Variants in C12orf56 observed in about 807,000 individuals in gnomAD.
C12orf56 encodes uncharacterized protein C12orf56.
In C12orf56, 71 loss-of-function variants were observed where a neutral mutation model predicts 69.9. The ratio of observed to expected loss-of-function variants is 1.02; its 90% confidence interval spans 0.84 to 1.24. The LOEUF is 1.24. C12orf56 is among the 50% of genes most tolerant of loss of function. C12orf56 has a pLI of 0.00. For missense variants in C12orf56, 732 were observed against 738.5 expected, an observed-to-expected ratio of 0.99 and a Z score of 0.10; for synonymous variants, 276 against 274.1, an observed-to-expected ratio of 1.01 and a Z score of -0.07.
chr12:64,352,809 C>T lies in C12orf56; in HGVS notation c.415+85G>A, dbSNP rs888530551. 9 of 1,268,074 alleles carry T rather than the reference C, an allele frequency of 7.1e-6. No individual in the cohort carries two copies. The African/African-American group carries it at 1.2e-4, about 18-fold the overall frequency. The allele number at this position is 1,268,074 out of a possible 1,614,324, so 78.6% of individuals were successfully genotyped here. On this transcript the variant is annotated intron_variant, in intron 2 of 12. Transcript: ENST00000543942. ...CCTGGATTTTAACTGAACTAAGAAG[C>T]AAAATATCCTGCATCAATTTTAAGA...
intron 2 of C12orf56, among the ~76,000 whole-genome samples, chr12:64,350,241 A>G (rs2039204872): frequency 6.6e-6 from 1 of 152,180 alleles, no homozygotes; most frequent in Non-Finnish European, 1.5e-5. Context: ...AATTACCACT[A>G]AAGAACTTAC....
intron 6 of C12orf56, among the ~76,000 whole-genome samples, chr12:64,298,956 T>C (rs116859441): frequency 0.039 from 5,875 of 152,326 alleles, 140 homozygotes; most frequent in Non-Finnish European, 0.056. Context: ...GCATTGAATC[T>C]ATAAATTACT....
intron 3 of C12orf56, among the ~76,000 whole-genome samples, chr12:64,327,001 T>A (rs574004766): frequency 2.0e-5 from 3 of 152,166 alleles, no homozygotes; most frequent in African/African-American, 7.2e-5. Context: ...GTTAATGTGT[T>A]ATCATGGGAA....
intron 1 of C12orf56, among the ~76,000 whole-genome samples, chr12:64,387,337 C>T (rs1160265188): frequency 6.6e-6 from 1 of 152,126 alleles, no homozygotes; most frequent in Non-Finnish European, 1.5e-5. Context: ...TTCAAGCTAC[C>T]AACAATGTTG....
intron 2 of C12orf56, among the ~76,000 whole-genome samples, chr12:64,348,317 T>C (rs2039174877): frequency 6.6e-6 from 1 of 152,124 alleles, no homozygotes; most frequent in African/African-American, 2.4e-5. Flanking sequence ...ATGGTTTTTC[T>C]GCAAATTGAG....
rs796834897 is a variant in C12orf56, at chr12:64,344,810, C to A, written c.415+8084G>T. Among the ~76,000 whole-genome samples, 12 of 152,234 alleles carry A rather than the reference C, an allele frequency of 7.9e-5. 1 individual carries two copies. Among genetic ancestry groups the A allele is most frequent in the African/African-American group, 2.9e-4 (12 of 41,502 alleles). On this transcript the variant is annotated intron_variant, in intron 2 of 12. Transcript: ENST00000543942. ...TAATCCACTCCACCATCCCAAACTC[C>A]CTAAGCCTTTGGATGCCTTCCCCTA...
intron 1 of C12orf56, among the ~76,000 whole-genome samples, chr12:64,388,525 G>C (rs1191479954): frequency 6.6e-6 from 1 of 152,138 alleles, no homozygotes; most frequent in South Asian, 2.1e-4. Context: ...TTACAGGCAT[G>C]AGCCACCTTA....
chr12:64,336,527 A>G (rs1483938476), intron 2 of C12orf56, among the ~76,000 whole-genome samples: 1 of 152,192 alleles, frequency 6.6e-6, no homozygotes, highest in East Asian at 1.9e-4. Context: ...ATAAATATGC[A>G]TTTAAGGCAA....
intron 1 of C12orf56, among the ~76,000 whole-genome samples, chr12:64,382,882 A>AAT: frequency 6.6e-6 from 1 of 151,272 alleles, no homozygotes; most frequent in East Asian, 1.9e-4. Context: ...AAAAAAAAAA[A>AAT]AAAAATTATA....
At chr12:64,340,595 T>C (rs1299582892) in intron 2 of C12orf56, among the ~76,000 whole-genome samples, 1 of 152,146 alleles carries the variant, frequency 6.6e-6, no homozygotes, top group Admixed American at 6.6e-5. Flanking sequence ...TAAATGCTGA[T>C]GTAAAGTCAA....
chr12:64,371,111 C>T (rs7134884), intron 1 of C12orf56, among the ~76,000 whole-genome samples: 7,125 of 152,200 alleles, frequency 0.047, 557 homozygotes, highest in African/African-American at 0.16. Context: ...GTTGGAAAAA[C>T]TGGGTATCAG....
chr12:64,280,227 AATAG>A (rs371811222), intron 8 of C12orf56, among the ~76,000 whole-genome samples: 56 of 152,324 alleles, frequency 3.7e-4, no homozygotes, highest in African/African-American at 1.3e-3. Flanking sequence ...CTAGGACAAT[AATAG>A]ATAGAAGAAA....
Position 64,374,963 on chromosome 12 carries a change from A to G in C12orf56, c.252+15351T>C, listed in dbSNP as rs142258587. The stretch of plus-strand genomic sequence containing the variant: ...GAAATTTGCTGTTTGATATTGGAAT[A>G]CGTTCTTAAATAAATGTGGTTATGT... On this transcript the variant is annotated intron_variant, in intron 1 of 12. Coordinates refer to ENST00000543942, the MANE Select transcript of C12orf56 (RefSeq NM_001170633.2). Among the ~76,000 whole-genome samples the G allele has an allele frequency of 6.9e-4, 105 of 152,272 alleles. 1 individual carries two copies. In the East Asian group the frequency reaches 0.018, roughly 26 times the overall value.
intron 12 of C12orf56, chr12:64,267,592 G>A (rs1343531012): frequency 6.4e-6 from 2 of 314,708 alleles, no homozygotes; most frequent in Admixed American, 5.2e-5. Flanking sequence ...TGCGCAGTGA[G>A]GTGTTGAAAT....
At chr12:64,311,202 T>C (rs1565750316) in intron 5 of C12orf56, among the ~76,000 whole-genome samples, 1 of 151,930 alleles carries the variant, frequency 6.6e-6, no homozygotes, top group African/African-American at 2.4e-5. Context: ...TTTGGGAGGC[T>C]GAGGGGAGAG....
intron 9 of C12orf56, among the ~76,000 whole-genome samples, chr12:64,276,371 A>G (rs1039538335): frequency 6.6e-6 from 1 of 152,168 alleles, no homozygotes; most frequent in African/African-American, 2.4e-5. Flanking sequence ...AGCTCTATAA[A>G]GGAGGACTAG....
rs1017269445 is a variant in C12orf56 at position 64,332,461 on chromosome 12, A to C, written c.416-1429T>G. Among the ~76,000 whole-genome samples, 3 of 152,200 alleles carry C rather than the reference A, an allele frequency of 2.0e-5. 1 individual carries two copies. Among genetic ancestry groups the C allele is most frequent in the African/African-American group, 7.2e-5 (3 of 41,444 alleles). On this transcript the variant is annotated intron_variant, in intron 2 of 12. Coordinates refer to ENST00000543942, the MANE Select transcript of C12orf56 (RefSeq NM_001170633.2). Reference sequence around the variant, plus strand: ...TTCAACCACAATAATTTAAGAGCACAGGGTCTTCTTCCCACTTCAATTTTT... The same window carrying C: ...TTCAACCACAATAATTTAAGAGCACCGGGTCTTCTTCCCACTTCAATTTTT...
chr12:64,349,297 A>G (rs1374826777), intron 2 of C12orf56, among the ~76,000 whole-genome samples: 1 of 152,240 alleles, frequency 6.6e-6, no homozygotes, highest in Admixed American at 6.5e-5. Context: ...ATCAAGGGAA[A>G]GCAAAACAAA....
At position 64,266,963 on chromosome 12, in the gene C12orf56, G is replaced by T; in HGVS notation, c.*220C>A. The T allele has an allele frequency of 4.4e-6, 2 of 453,666 alleles. No homozygotes were observed. Among genetic ancestry groups the T allele is most frequent in the Non-Finnish European group, 3.8e-6 (1 of 262,418 alleles). 28.1% of individuals were successfully genotyped at this position (453,666 alleles called of 1,614,324 possible). On this transcript the variant is annotated 3_prime_UTR_variant, in exon 13 of 13. Coordinates refer to ENST00000543942, the MANE Select transcript of C12orf56 (RefSeq NM_001170633.2). The stretch of plus-strand genomic sequence containing the variant: ...AAAGAAATGGCTCTTTTGCCCAATG[G>T]CATAAAGATCTTTGCACACTTATAA...
Sources: allele counts gnomAD v4.1 joint callset (sites outside exome capture counted in the v4.1 genomes callset), GRCh38; gene constraint gnomAD v4.1.1; transcripts MANE v1.5; gene names NCBI Gene and HGNC (gene_info 2026-07-23, HGNC 2026-07-21).